RBM47: variants seen among roughly 807,000 people sequenced by gnomAD.
RBM47 encodes the protein RNA-binding protein 47.
Under a neutral mutation model 47.1 loss-of-function variants are expected in RBM47, and 21 were observed. The ratio of observed to expected loss-of-function variants is 0.45; its 90% CI spans 0.32 to 0.64. The LOEUF is 0.64. Ranked by LOEUF, RBM47 falls within the 30% of genes least tolerant of loss-of-function variation. The probability of loss-of-function intolerance (pLI) is 0.05; values close to 1 mark genes in which losing one functional copy is unlikely to be tolerated. For missense variants in RBM47, 708 were observed against 870.9 expected (o/e 0.81, Z 2.35); for synonymous variants, 375 against 361.7 (o/e 1.04, Z -0.42).
chr4:40,605,321 G>A (rs1043958834), intron 1 of RBM47, among the ~76,000 whole-genome samples: 1 of 151,920 alleles, frequency 6.6e-6, no homozygotes, highest in Non-Finnish European at 1.5e-5. Flanking sequence ...CACTCTGCCC[G>A]GCGCGCCACA....
chr4:40,595,330 C>G (rs1177408279), intron 1 of RBM47, among the ~76,000 whole-genome samples: 1 of 151,658 alleles, frequency 6.6e-6, no homozygotes, highest in Non-Finnish European at 1.5e-5. Flanking sequence ...CCCATCTCTA[C>G]CAAAAATACA....
At chr4:40,519,416 G>A (rs909342332) in intron 2 of RBM47, among the ~76,000 whole-genome samples, 1 of 150,298 alleles carries the variant, frequency 6.7e-6, no homozygotes, top group Non-Finnish European at 1.5e-5. Context: ...TCCTGCCTCA[G>A]CCTCCAGAGT....
rs1560341298 is a variant in RBM47 at position 40,425,997 on chromosome 4, G to A, written c.1689C>T (p.Ala563=). The A allele has an allele frequency of 6.2e-6, 10 of 1,613,960 alleles. No homozygotes were observed. The highest frequency in any genetic ancestry group is 1.7e-4 in the Middle Eastern group (1 of 6,058). ...ATLQKNAAAA[A]AMYGGYAGYI... ...AGCCTGCGTATCCTCCATACATGGCGGCCGCGGCTGCCGCGTTCTTCTGTA... is the reference window on the plus strand; with the variant it reads ...AGCCTGCGTATCCTCCATACATGGCAGCCGCGGCTGCCGCGTTCTTCTGTA... The change falls in exon 7 of 7, where the codon GCC becomes GCT. Residue 563 remains alanine (A), a synonymous_variant. Coordinates refer to ENST00000295971, the MANE Select transcript of RBM47 (RefSeq NM_001098634.2).
At chr4:40,603,599 T>C (rs1254790448) in intron 1 of RBM47, among the ~76,000 whole-genome samples, 1 of 150,854 alleles carries the variant, frequency 6.6e-6, no homozygotes, top group African/African-American at 2.4e-5. Context: ...CTCCTCTCTC[T>C]CCCTCTCTCT....
chr4:40,478,048 T>C (rs1369266737), intron 2 of RBM47, among the ~76,000 whole-genome samples: 3 of 141,816 alleles, frequency 2.1e-5, no homozygotes, highest in Non-Finnish European at 4.5e-5. Flanking sequence ...AGAGTTTTGC[T>C]CTTATTACCC....
At chr4:40,437,167 T>TAAAATAA (rs781328732) in intron 4 of RBM47, among the ~76,000 whole-genome samples, 1 of 123,404 alleles carries the variant, frequency 8.1e-6, no homozygotes, top group East Asian at 2.5e-4. Flanking sequence ...CATATATATA[T>TAAAATAA]ATATAATACA....
At chr4:40,489,943 C>G (rs142254857) in intron 2 of RBM47, among the ~76,000 whole-genome samples, 1 of 152,084 alleles carries the variant, frequency 6.6e-6, no homozygotes, top group Non-Finnish European at 1.5e-5. Flanking sequence ...GCAACATGAC[C>G]AAGTCTGATT....
intron 1 of RBM47, among the ~76,000 whole-genome samples, chr4:40,562,018 T>A (rs1211753722): frequency 6.6e-6 from 1 of 152,220 alleles, no homozygotes; most frequent in African/African-American, 2.4e-5. Context: ...CCCATGTGAC[T>A]ACTTACTCAT....
chr4:40,511,031 G>C (rs1307008104), intron 2 of RBM47, among the ~76,000 whole-genome samples: 1 of 152,178 alleles, frequency 6.6e-6, no homozygotes, highest in Non-Finnish European at 1.5e-5. Context: ...ACAACTGAAG[G>C]ATTTTTCATT....
At chr4:40,488,720 C>T (rs1721464148) in intron 2 of RBM47, among the ~76,000 whole-genome samples, 1 of 152,178 alleles carries the variant, frequency 6.6e-6, no homozygotes, top group African/African-American at 2.4e-5. Flanking sequence ...AACACAACAA[C>T]AAGCTCTGTA....
intron 3 of RBM47, among the ~76,000 whole-genome samples, chr4:40,464,890 C>CAAAA (rs71646997): frequency 0.014 from 456 of 32,072 alleles, 30 homozygotes; most frequent in African/African-American, 0.043. Flanking sequence ...GACTCTGTCT[C>CAAAA]AAAAAAAAAA....
chr4:40,489,118 G>C (rs570852174), intron 2 of RBM47, among the ~76,000 whole-genome samples: 1 of 152,250 alleles, frequency 6.6e-6, no homozygotes, highest in Admixed American at 6.5e-5. Context: ...CAGTTGCCCT[G>C]TAACTCTGTC....
intron 1 of RBM47, among the ~76,000 whole-genome samples, chr4:40,585,906 G>A (rs1733531008): frequency 6.6e-6 from 1 of 152,228 alleles, no homozygotes; most frequent in South Asian, 2.1e-4. Context: ...GAACAGAGCA[G>A]AGTGGGCATT....
At chr4:40,541,802 A>T (rs771683549) in intron 2 of RBM47, among the ~76,000 whole-genome samples, 80 of 152,354 alleles carry the variant, frequency 5.3e-4, no homozygotes, top group Non-Finnish European at 7.8e-4. Context: ...AAACCTGAGA[A>T]TCTCACACGT....
At position 40,529,834 on chromosome 4, in the gene RBM47, TAATAAATAAATAAATA is replaced by T. The variant is rs200058463; in HGVS notation, c.-155+14572_-155+14587del. On this transcript the variant is annotated intron_variant, in intron 2 of 6. Transcript: ENST00000295971. ...ACAAAGCGAGACTCCATCTAAAAAA[TAATAAATAAATAAATA>T]AATAAATAAATAAATAAATAAATAA... 8.9e-3 allele frequency among the ~76,000 whole-genome samples: 1,224 copies of T among 137,350 alleles called. 15 individuals are homozygous for T. The highest frequency in any genetic ancestry group is 0.028 in the African/African-American group (1,065 of 37,760). 90.1% of individuals were successfully genotyped at this position (137,350 alleles called of 152,430 possible). A position where few individuals can be genotyped will look rare whatever the true frequency, so the allele number is the denominator to read the frequency against.
chr4:40,436,628 TCGGCCTC>T lies in RBM47; in HGVS notation c.1136_1142del (p.Arg379LysfsTer64). 6.2e-7 allele frequency: 1 copy of T among 1,614,032 alleles called. No homozygotes were observed. The highest frequency in any genetic ancestry group is 8.5e-7 in the Non-Finnish European group (1 of 1,179,992). ...CTCTGTTGCCAGCTGCACCTCGCCC[TCGGCCTC>T]TTATGCTGCCTGCTTGTAATAACAA... On this transcript the variant is annotated frameshift_variant, in exon 5 of 7. Transcript: ENST00000295971. LOFTEE classifies it high-confidence loss of function.
At chr4:40,557,787 T>C (rs114721923) in intron 1 of RBM47, among the ~76,000 whole-genome samples, 3,620 of 152,210 alleles carry the variant, frequency 0.024, 69 homozygotes, top group Non-Finnish European at 0.035. Context: ...TGCATGAGTA[T>C]AGAATTTTAC....
At chr4:40,512,891 G>C (rs1318535875) in intron 2 of RBM47, among the ~76,000 whole-genome samples, 4 of 152,078 alleles carry the variant, frequency 2.6e-5, no homozygotes, top group African/African-American at 9.7e-5. Context: ...CTGTGTAACA[G>C]GCAATTAGAT....
intron 1 of RBM47, among the ~76,000 whole-genome samples, chr4:40,597,760 G>A (rs2154276616): frequency 6.6e-6 from 1 of 152,226 alleles, no homozygotes; most frequent in South Asian, 2.1e-4. Context: ...GTTAGTAAAA[G>A]GCATTAAATA....
Sources: gnomAD v4.1 joint callset for allele counts (sites outside exome capture counted in the v4.1 genomes callset) on GRCh38, gnomAD v4.1.1 for gene constraint, MANE v1.5 for transcripts, NCBI Gene and HGNC (gene_info 2026-07-23, HGNC 2026-07-21) for gene names.